RAPGEF1: variants seen among roughly 807,000 people sequenced by gnomAD.
RAPGEF1 encodes CRK SH3-binding GNRP.
A neutral mutation model predicts 143.3 loss-of-function variants in RAPGEF1; 33 were observed. That is an observed-to-expected ratio of 0.23 (90% CI 0.17 to 0.31). RAPGEF1 has a LOEUF of 0.31. Ranked by LOEUF, RAPGEF1 falls within the 10% of genes least tolerant of loss-of-function variation. RAPGEF1 has a pLI of 1.00. For synonymous variants in RAPGEF1, 629 were observed against 676.5 expected (o/e 0.93, Z 1.09); for missense variants, 1,199 against 1,645.4 (o/e 0.73, Z 4.69).
intron 3 of RAPGEF1, among the ~76,000 whole-genome samples, chr9:131,648,277 G>A (rs142755127): frequency 0.031 from 4,678 of 152,304 alleles, 122 homozygotes; most frequent in Middle Eastern, 0.099. Context: ...TGTAGTCCCA[G>A]CTACTCGGGT....
intron 1 of RAPGEF1, among the ~76,000 whole-genome samples, chr9:131,696,897 G>A (rs1325962683): frequency 6.6e-6 from 1 of 152,132 alleles, no homozygotes; most frequent in Non-Finnish European, 1.5e-5. Context: ...GAAATTTATC[G>A]AGGGCTAACT....
At chr9:131,695,723 T>C (rs1384192680) in intron 1 of RAPGEF1, among the ~76,000 whole-genome samples, 1 of 152,148 alleles carries the variant, frequency 6.6e-6, no homozygotes, top group Non-Finnish European at 1.5e-5. Flanking sequence ...TGGTAAATGT[T>C]CTCTCTCTGG....
intron 1 of RAPGEF1, among the ~76,000 whole-genome samples, chr9:131,673,802 G>A (rs967275436): frequency 6.6e-6 from 1 of 152,162 alleles, no homozygotes; most frequent in South Asian, 2.1e-4. Flanking sequence ...AAAACATGCC[G>A]CTTCATTTTC....
chr9:131,646,958 G>C (rs1969817197), intron 3 of RAPGEF1, among the ~76,000 whole-genome samples: 2 of 152,098 alleles, frequency 1.3e-5, no homozygotes, highest in African/African-American at 4.8e-5. Flanking sequence ...AAGGGGAAAG[G>C]CTTTCAGGAA....
At chr9:131,701,150 A>T (rs1834613015) in intron 1 of RAPGEF1, among the ~76,000 whole-genome samples, 1 of 152,228 alleles carries the variant, frequency 6.6e-6, no homozygotes, top group African/African-American at 2.4e-5. Flanking sequence ...CATGGCTATT[A>T]TCTAAAATAA....
intron 1 of RAPGEF1, among the ~76,000 whole-genome samples, chr9:131,662,525 G>A (rs1974408985): frequency 6.6e-6 from 1 of 151,712 alleles, no homozygotes; most frequent in Non-Finnish European, 1.5e-5. Flanking sequence ...GCGCCACTAT[G>A]CCTGGCTAAT....
intron 1 of RAPGEF1, chr9:131,709,623 G>C (rs1407743799): frequency 6.2e-7 from 1 of 1,613,282 alleles, no homozygotes; most frequent in East Asian, 2.2e-5. Flanking sequence ...TTCTTACCTT[G>C]TTTCCAGGGG....
At chr9:131,730,724 A>G (rs1294804726) in intron 1 of RAPGEF1, among the ~76,000 whole-genome samples, 1 of 150,966 alleles carries the variant, frequency 6.6e-6, no homozygotes, top group Non-Finnish European at 1.5e-5. Flanking sequence ...AAAAAGAAGA[A>G]GAACCAGCAT....
At chr9:131,595,649 C>G (rs1322645471) in intron 17 of RAPGEF1, among the ~76,000 whole-genome samples, 2 of 151,822 alleles carry the variant, frequency 1.3e-5, no homozygotes, top group Non-Finnish European at 2.9e-5. Flanking sequence ...TGGCCATGCC[C>G]CATCAGGTCA....
chr9:131,712,915 T>A (rs968693845), intron 1 of RAPGEF1, among the ~76,000 whole-genome samples: 1 of 152,000 alleles, frequency 6.6e-6, no homozygotes, highest in South Asian at 2.1e-4. Context: ...TCCTCTCTAA[T>A]CCCCAGCTCA....
At chr9:131,730,058 G>C (rs1328673058) in intron 1 of RAPGEF1, among the ~76,000 whole-genome samples, 3 of 151,858 alleles carry the variant, frequency 2.0e-5, no homozygotes, top group Non-Finnish European at 4.4e-5. Context: ...GCCAGGCGAA[G>C]TGGTGGGCAC....
At chr9:131,593,829 GGGAA>G (rs2132318477) in intron 17 of RAPGEF1, among the ~76,000 whole-genome samples, 1 of 152,332 alleles carries the variant, frequency 6.6e-6, no homozygotes, top group East Asian at 1.9e-4. Context: ...AAAGAGTTTG[GGGAA>G]GGAAGCAGAG....
chr9:131,636,037 C>G (rs1966285168), intron 5 of RAPGEF1, among the ~76,000 whole-genome samples: 1 of 152,218 alleles, frequency 6.6e-6, no homozygotes, highest in South Asian at 2.1e-4. Flanking sequence ...TGTCCATCCT[C>G]CAGATGCTGG....
rs117986482 is a variant in RAPGEF1, at chr9:131,618,191, C to T, written c.2061+860G>A. ...CTTCTGAGCTGAGGCCCTAAGGGGC[C>T]TTGCACGCTTCCATTTGTTATTTTT... On this transcript the variant is annotated intron_variant, in intron 12 of 26. Transcript: ENST00000683357. 1.5e-3 allele frequency among the ~76,000 whole-genome samples: 235 copies of T among 152,344 alleles called. 2 individuals are homozygous for T. The East Asian group carries it at 0.017, about 11-fold the overall frequency.
Position 131,579,381 on chromosome 9 carries a change from C to T in RAPGEF1, c.*116G>A. The T allele has an allele frequency of 1.4e-6, 2 of 1,422,498 alleles. No individual in the cohort carries two copies. Among genetic ancestry groups the T allele is most frequent in the Admixed American group, 2.2e-5 (1 of 45,148 alleles). 88.1% of individuals were successfully genotyped at this position (1,422,498 alleles called of 1,614,324 possible). A position where few individuals can be genotyped will look rare whatever the true frequency, so the allele number is the denominator to read the frequency against. ...CCGGCCCCGCTGAGGGCTGGCCAGC[C>T]TCATGGCTCCGAGGCCGGGACTCCT... On this transcript the variant is annotated 3_prime_UTR_variant, in exon 27 of 27. Transcript: ENST00000683357.
rs368780002 is a variant in RAPGEF1, at chr9:131,709,745, G to A, written c.61+30025C>T. 1.2e-3 allele frequency: 1,950 copies of A among 1,611,104 alleles called. 6 individuals carry two copies. Among genetic ancestry groups the A allele is most frequent in the Non-Finnish European group, 1.3e-3 (1,587 of 1,178,818 alleles). ...AGCGTCTTTCCGGAGCAGCAACTGA[G>A]GACCGAGTCACTGGCTGAAAGGGGA... On this transcript the variant is annotated intron_variant, in intron 1 of 26. Coordinates refer to ENST00000683357, the MANE Select transcript of RAPGEF1 (RefSeq NM_001377935.1).
At chr9:131,739,736 G>T in intron 1 of RAPGEF1, 34 bp downstream of exon 1, 2 of 1,107,788 alleles carry the variant, frequency 1.8e-6, no homozygotes, top group Non-Finnish European at 2.2e-6. Flanking sequence ...GGCCGGGCCC[G>T]GCCGGAGGGA....
chr9:131,594,537 C>A (rs895290757), intron 17 of RAPGEF1, among the ~76,000 whole-genome samples: 4 of 152,216 alleles, frequency 2.6e-5, no homozygotes, highest in Non-Finnish European at 5.9e-5. Context: ...AGCCACGGGG[C>A]TCCCAGCTGC....
chr9:131,644,138 TGAGA>T (rs907139840), intron 3 of RAPGEF1, among the ~76,000 whole-genome samples: 2 of 152,184 alleles, frequency 1.3e-5, no homozygotes, highest in Admixed American at 6.5e-5. Context: ...GAAGCCCACC[TGAGA>T]GAAAGGGAAA....
Sources: gnomAD v4.1 joint callset for allele counts (sites outside exome capture counted in the v4.1 genomes callset) on GRCh38, gnomAD v4.1.1 for gene constraint, MANE v1.5 for transcripts, NCBI Gene and HGNC (gene_info 2026-07-23, HGNC 2026-07-21) for gene names.